Variants in FKBP6 observed in about 807,000 individuals in gnomAD.
FKBP6 encodes inactive peptidyl-prolyl cis-trans isomerase FKBP6.
FKBP6 carries 29 observed loss-of-function variants against 41.7 expected under a neutral mutation model. That is an observed-to-expected ratio of 0.70 (90% CI 0.52 to 0.95). FKBP6 has a LOEUF of 0.95. Ranked by LOEUF, FKBP6 falls within the 40% of genes least tolerant of loss-of-function variation. FKBP6 has a pLI of 0.00. For missense variants in FKBP6, 338 were observed against 408.7 expected, an observed-to-expected ratio of 0.83 and a Z score of 1.49; for synonymous variants, 130 against 165.1, an observed-to-expected ratio of 0.79 and a Z score of 1.63.
At position 73,331,750 on chromosome 7, in the gene FKBP6, T is replaced by C. The variant is rs782013821; in HGVS notation, c.562T>C (p.Tyr188His). ...CTACCTTTTCCGCCAGAATCGTTTC[T>C]ATGATGCCAAAGTGAGATATAAAAG... Reference protein sequence around the residue: ...GNYLFRQNRFYDAKVRYKRAL... With the variant: ...GNYLFRQNRFHDAKVRYKRAL... The change falls in exon 5 of 9, where the codon TAT becomes CAT. Residue 188 changes from tyrosine to histidine, a missense_variant. Transcript: ENST00000252037. 6.2e-6 allele frequency: 10 copies of C among 1,613,870 alleles called. No individual in the cohort carries two copies. The highest frequency in any genetic ancestry group is 8.5e-6 in the Non-Finnish European group (10 of 1,179,688).
At chr7:73,340,124 T>C (rs563299024) in intron 5 of FKBP6, among the ~76,000 whole-genome samples, 14 of 152,360 alleles carry the variant, frequency 9.2e-5, no homozygotes, top group Admixed American at 7.8e-4. Flanking sequence ...TGCAAGTCTT[T>C]CAGTTGTTTT....
chr7:73,345,616 A>T (rs1308440357), intron 8 of FKBP6, among the ~76,000 whole-genome samples: 2 of 152,188 alleles, frequency 1.3e-5, no homozygotes, highest in African/African-American at 4.8e-5. Context: ...GTGTCTGGAA[A>T]GGAGCTGTGA....
At chr7:73,349,044 G>A (rs1214715908) in intron 8 of FKBP6, among the ~76,000 whole-genome samples, 4 of 152,036 alleles carry the variant, frequency 2.6e-5, no homozygotes, top group Non-Finnish European at 5.9e-5. Context: ...AGTCAAGGCT[G>A]CAGTGAACCC....
At chr7:73,339,089 TA>T (rs1246559246) in intron 5 of FKBP6, 1 of 152,226 alleles carries the variant, frequency 6.6e-6, no homozygotes, top group African/African-American at 2.4e-5. Flanking sequence ...GATAGTTTTT[TA>T]AAAAAATATA....
chr7:73,350,096 A>ACC (rs1270293105), intron 8 of FKBP6, among the ~76,000 whole-genome samples: 1 of 152,086 alleles, frequency 6.6e-6, no homozygotes, highest in Non-Finnish European at 1.5e-5. Context: ...GTCACAGTCC[A>ACC]CCCCCTGCTG....
chr7:73,344,997 C>G (rs1476580105), intron 8 of FKBP6, among the ~76,000 whole-genome samples: 1 of 152,174 alleles, frequency 6.6e-6, no homozygotes, highest in East Asian at 1.9e-4. Flanking sequence ...GTGCTCTAAG[C>G]CTCTGACTAT....
At chr7:73,346,895 G>A (rs1266847675) in intron 8 of FKBP6, among the ~76,000 whole-genome samples, 1 of 152,220 alleles carries the variant, frequency 6.6e-6, no homozygotes, top group African/African-American at 2.4e-5. Flanking sequence ...GAGGAGGGCA[G>A]CTTTAGTGAC....
chr7:73,333,922 A>G (rs1276922851), intron 5 of FKBP6, among the ~76,000 whole-genome samples: 2 of 152,128 alleles, frequency 1.3e-5, no homozygotes, highest in African/African-American at 4.8e-5. Flanking sequence ...AAATACAAAA[A>G]TTAGCTGGGC....
chr7:73,329,632 C>G (rs1290126072), intron 3 of FKBP6, 183 bp downstream of exon 3: 6 of 638,656 alleles, frequency 9.4e-6, no homozygotes, highest in Non-Finnish European at 1.7e-5. Context: ...GATGGCTTAA[C>G]GGGCAAGGTA....
intron 5 of FKBP6, among the ~76,000 whole-genome samples, chr7:73,333,513 G>C (rs1185439747): frequency 6.6e-6 from 1 of 152,056 alleles, no homozygotes; most frequent in Admixed American, 6.6e-5. Flanking sequence ...ACCTCTGGAG[G>C]GTCTTCCAGA....
At chr7:73,333,996 C>T (rs1554548134) in intron 5 of FKBP6, among the ~76,000 whole-genome samples, 2 of 151,948 alleles carry the variant, frequency 1.3e-5, no homozygotes, top group African/African-American at 4.8e-5. Flanking sequence ...TGCTTGAACC[C>T]GGGAGGTGGA....
intron 5 of FKBP6, among the ~76,000 whole-genome samples, chr7:73,338,785 T>G (rs1377144571): frequency 1.3e-5 from 2 of 152,224 alleles, no homozygotes; most frequent in African/African-American, 4.8e-5. Flanking sequence ...TGGAAAAATG[T>G]CTATTCGGAG....
chr7:73,350,649 T>C (rs1228755552), intron 8 of FKBP6, among the ~76,000 whole-genome samples: 7 of 151,972 alleles, frequency 4.6e-5, no homozygotes, highest in African/African-American at 1.7e-4. Flanking sequence ...CTAAAAACAA[T>C]GTTTTCTGGA....
In FKBP6 at chr7:73,328,715, C is replaced by T. The variant is rs199994623; in HGVS notation, c.175+23C>T. 40 of 1,611,958 alleles carry T rather than the reference C, an allele frequency of 2.5e-5. No individual in the cohort carries two copies. In the African/African-American group the frequency reaches 5.1e-4, roughly 20 times the overall value. On this transcript the variant is annotated intron_variant, in intron 2 of 8. Transcript: ENST00000252037. ...TAGGTACGCCCTGGGGCGGTTTGTC[C>T]TCAGGATCCATGTCATCGCACTCTG...
At chr7:73,341,454 C>G (rs149541102) in intron 7 of FKBP6, 72 bp downstream of exon 7, 36 of 962,712 alleles carry the variant, frequency 3.7e-5, no homozygotes, top group Admixed American at 6.8e-5. Flanking sequence ...CCCACCCCCC[C>G]CAACAAAGGA....
At chr7:73,347,172 T>C (rs540127274) in intron 8 of FKBP6, among the ~76,000 whole-genome samples, 1 of 152,356 alleles carries the variant, frequency 6.6e-6, no homozygotes, top group East Asian at 1.9e-4. Context: ...TGCCTAGCAT[T>C]TATACTGTTT....
At chr7:73,337,348 C>G (rs1444079525) in intron 5 of FKBP6, among the ~76,000 whole-genome samples, 1 of 138,238 alleles carries the variant, frequency 7.2e-6, no homozygotes, top group African/African-American at 2.7e-5. Flanking sequence ...GAGTCTCACT[C>G]TATCACCCAG....
rs1457163847 is a variant in FKBP6, at chr7:73,328,231, C to A, written c.-198C>A. On this transcript the variant is annotated 5_prime_UTR_variant, in exon 1 of 9. Transcript: ENST00000252037. ...CCGCGTGGCCTCTGTAGTTCCAGAG[C>A]TCGCGAGGGCCAGGGCCGTTGGCGG... The A allele has an allele frequency of 6.5e-7, 1 of 1,549,110 alleles. No individual in the cohort carries two copies. The highest frequency in any genetic ancestry group is 2.0e-5 in the Admixed American group (1 of 51,000).
Position 73,358,434 on chromosome 7 carries a change from T to G in FKBP6, c.*256T>G, listed in dbSNP as rs1441894485. 2 of 152,552 alleles carry G rather than the reference T, an allele frequency of 1.3e-5. No homozygotes were observed. Among genetic ancestry groups the G allele is most frequent in the African/African-American group, 2.4e-5 (1 of 41,410 alleles). The allele number at this position is 152,552 out of a possible 1,614,324, so 9.4% of individuals were successfully genotyped here. On this transcript the variant is annotated 3_prime_UTR_variant, in exon 9 of 9. Transcript: ENST00000252037. ...CACTGCTACTTTTTTTAAGGCAGTT[T>G]CTTGTTTTTTTAGACGGAATTAGTC...
Sources: allele counts gnomAD v4.1 joint callset (sites outside exome capture counted in the v4.1 genomes callset), GRCh38; gene constraint gnomAD v4.1.1; transcripts MANE v1.5; gene names NCBI Gene and HGNC (gene_info 2026-07-23, HGNC 2026-07-21).